PPFIBP2: variants seen among roughly 807,000 people sequenced by gnomAD.
PPFIBP2 encodes the protein PPFIB scaffold protein 2.
Under a neutral mutation model 118.3 loss-of-function variants are expected in PPFIBP2, and 118 were observed. The observed-to-expected ratio is 1.00, with a 90% CI of 0.86 to 1.16. The LOEUF is 1.16. PPFIBP2 is among the 50% of genes most tolerant of loss of function. The pLI is 0.00. For missense variants in PPFIBP2, 1,195 were observed against 1,073.1 expected, an observed-to-expected ratio of 1.11 and a Z score of -1.59; for synonymous variants, 414 against 397.4, an observed-to-expected ratio of 1.04 and a Z score of -0.50.
chr11:7,653,422 C>T lies in PPFIBP2; in HGVS notation c.*204C>T, dbSNP rs1854359217. 2.0e-6 allele frequency: 3 copies of T among 1,497,500 alleles called. No homozygotes were observed. Among genetic ancestry groups the T allele is most frequent in the Admixed American group, 2.1e-5 (1 of 48,398 alleles). 92.8% of individuals were successfully genotyped at this position (1,497,500 alleles called of 1,614,324 possible). A position where few individuals can be genotyped will look rare whatever the true frequency, so the allele number is the denominator to read the frequency against. The stretch of plus-strand genomic sequence containing the variant: ...CTCTAAGGGGCCAGGCTTTGGGGAC[C>T]ATTGCCAAAGGTGGACTCAGGAGGA... On this transcript the variant is annotated 3_prime_UTR_variant, in exon 24 of 24. Transcript: ENST00000299492.
intron 3 of PPFIBP2, among the ~76,000 whole-genome samples, chr11:7,585,019 C>G (rs7117986): frequency 0.37 from 56,435 of 152,008 alleles, 10,719 homozygotes; most frequent in Middle Eastern, 0.5. Context: ...TAAGGAAGAA[C>G]CATTTTAAGG....
At chr11:7,621,566 A>C (rs771848377) in intron 7 of PPFIBP2, among the ~76,000 whole-genome samples, 16 of 152,192 alleles carry the variant, frequency 1.1e-4, no homozygotes, top group African/African-American at 1.9e-4. Flanking sequence ...TTGTGAAATA[A>C]ATTTCTTCCC....
In PPFIBP2 at chr11:7,648,302, C is replaced by A. The variant is rs1300301605; in HGVS notation, c.1647-85C>A. 25 of 1,435,318 alleles carry A rather than the reference C, an allele frequency of 1.7e-5. No individual in the cohort carries two copies. In the Admixed American group the frequency reaches 5.3e-4, roughly 30 times the overall value. 88.9% of individuals were successfully genotyped at this position (1,435,318 alleles called of 1,614,324 possible). ...GGTTTTTTGTTTTGTTTTTTCTTTTCTTTTCTTTTGTTTGTGAGACATGAT... is the reference window on the plus strand; with the variant it reads ...GGTTTTTTGTTTTGTTTTTTCTTTTATTTTCTTTTGTTTGTGAGACATGAT... On this transcript the variant is annotated intron_variant, in intron 17 of 23. Transcript: ENST00000299492.
At chr11:7,627,551 G>A (rs1223723405) in intron 8 of PPFIBP2, among the ~76,000 whole-genome samples, 1 of 151,872 alleles carries the variant, frequency 6.6e-6, no homozygotes, top group Non-Finnish European at 1.5e-5. Context: ...TAGAGTATCT[G>A]GCAAATGACC....
rs565926329 is a variant in PPFIBP2 at position 7,629,815 on chromosome 11, A to G, written c.964+281A>G. Among the ~76,000 whole-genome samples the G allele has an allele frequency of 3.9e-5, 6 of 152,338 alleles. No homozygotes were observed. The South Asian group carries it at 1.2e-3, about 32-fold the overall frequency. On this transcript the variant is annotated intron_variant, in intron 10 of 23. Coordinates refer to ENST00000299492, the MANE Select transcript of PPFIBP2 (RefSeq NM_003621.5). ...CCCACCCTTGGAAGGTCTCTTATGC[A>G]TCTTCCCAGGACACGCCTTAGAGGC...
At chr11:7,644,765 C>T (rs984051315) in intron 17 of PPFIBP2, among the ~76,000 whole-genome samples, 3 of 152,042 alleles carry the variant, frequency 2.0e-5, no homozygotes, top group Admixed American at 6.5e-5. Context: ...CGGTGGCTCA[C>T]GCCTGTAATC....
chr11:7,624,819 A>G (rs1346800822), intron 7 of PPFIBP2, among the ~76,000 whole-genome samples: 1 of 152,244 alleles, frequency 6.6e-6, no homozygotes, highest in African/African-American at 2.4e-5. Flanking sequence ...AGTCCCATGA[A>G]GTAGGTGTAG....
intron 23 of PPFIBP2, among the ~76,000 whole-genome samples, 184 bp downstream of exon 23, chr11:7,652,028 T>C (rs1017337209): frequency 3.3e-5 from 5 of 152,184 alleles, no homozygotes; most frequent in African/African-American, 9.7e-5. Context: ...CTCCACCAGT[T>C]TGGAGTCCAA....
chr11:7,632,459 T>C (rs1055913287), intron 11 of PPFIBP2: 2 of 164,520 alleles, frequency 1.2e-5, no homozygotes, highest in Non-Finnish European at 2.7e-5. Flanking sequence ...GATTTTCTCA[T>C]TGAAAGCAAC....
chr11:7,656,916 C>G, downstream of PPFIBP2: 3 of 713,224 alleles, frequency 4.2e-6, no homozygotes, highest in Non-Finnish European at 6.4e-6. Context: ...CAGGGTGTCT[C>G]AGACAGGCTG....
chr11:7,642,489 C>T, intron 17 of PPFIBP2, 63 bp downstream of exon 17: 2 of 1,535,080 alleles, frequency 1.3e-6, no homozygotes, highest in African/African-American at 1.4e-5. Context: ...TCCCTTCAAA[C>T]CTGCATGGGT....
chr11:7,575,188 C>A (rs1264406834), intron 3 of PPFIBP2, among the ~76,000 whole-genome samples: 3 of 152,206 alleles, frequency 2.0e-5, no homozygotes, highest in African/African-American at 7.2e-5. Flanking sequence ...ATTCTTTCAT[C>A]CAAAAAATGT....
Position 7,605,752 on chromosome 11 carries a change from T to C in PPFIBP2, c.487-4539T>C, listed in dbSNP as rs867111261. 152 of 1,351,994 alleles carry C rather than the reference T, an allele frequency of 1.1e-4. 1 individual carries two copies. In the Middle Eastern group the frequency reaches 1.6e-3, roughly 15 times the overall value. 83.7% of individuals were successfully genotyped at this position (1,351,994 alleles called of 1,614,324 possible). The stretch of plus-strand genomic sequence containing the variant: ...AGTGGCCGCAGAAGAAATTAGAGGT[T>C]GAGTGAGCAAGTGGGACAGATGAAA... On this transcript the variant is annotated intron_variant, in intron 5 of 23. Transcript: ENST00000299492.
intron 3 of PPFIBP2, among the ~76,000 whole-genome samples, chr11:7,570,887 G>C (rs1855583405): frequency 6.6e-6 from 1 of 152,220 alleles, no homozygotes; most frequent in Non-Finnish European, 1.5e-5. Flanking sequence ...ATCTGGCCAA[G>C]CATTCCAATT....
intron 1 of PPFIBP2, among the ~76,000 whole-genome samples, chr11:7,534,071 A>AGGTAAGGAGAGTTTGGT (rs1239751692): frequency 2.0e-5 from 3 of 152,126 alleles, no homozygotes; most frequent in Admixed American, 6.6e-5. Flanking sequence ...GTGAGGTGAG[A>AGGTAAGGAGAGTTTGGT]GGTAAGGAGA....
At chr11:7,519,437 G>C (rs1251009803) in intron 1 of PPFIBP2, among the ~76,000 whole-genome samples, 1 of 152,192 alleles carries the variant, frequency 6.6e-6, no homozygotes, top group African/African-American at 2.4e-5. Context: ...GGCAATACTT[G>C]CTTAAATCAG....
rs149594603 is a variant in PPFIBP2 at position 7,539,705 on chromosome 11, C to G, written c.-36-9735C>G. Among the ~76,000 whole-genome samples, 14 of 152,252 alleles carry G rather than the reference C, an allele frequency of 9.2e-5. No homozygotes were observed. The East Asian group carries it at 2.7e-3, about 29-fold the overall frequency. ...GGGACCCAGTCAGAAGTAGTCACTT[C>G]CATCTGGGGGATGGATGGGAGAGGA... On this transcript the variant is annotated intron_variant, in intron 1 of 23. Coordinates refer to ENST00000299492, the MANE Select transcript of PPFIBP2 (RefSeq NM_003621.5).
chr11:7,515,512 A>C (rs772997580), intron 1 of PPFIBP2, among the ~76,000 whole-genome samples: 2 of 152,202 alleles, frequency 1.3e-5, no homozygotes, highest in African/African-American at 2.4e-5. Flanking sequence ...GGATAATTTT[A>C]AGAAAGGGTG....
chr11:7,599,231 G>A lies in PPFIBP2; in HGVS notation c.486+1558G>A, dbSNP rs117969549. ...ACAACCTACTAGATTGTGTTTTCAA[G>A]TCTGCACAAGGTGTGTTTTTGAGGT... is the stretch of plus-strand genomic sequence containing the variant. On this transcript the variant is annotated intron_variant, in intron 5 of 23. Transcript: ENST00000299492. Among the ~76,000 whole-genome samples, 856 of 152,156 alleles carry A rather than the reference G, an allele frequency of 5.6e-3. 5 individuals carry two copies. The highest frequency in any genetic ancestry group is 7.8e-3 in the Non-Finnish European group (531 of 68,016).
Sources: allele counts gnomAD v4.1 joint callset (sites outside exome capture counted in the v4.1 genomes callset), GRCh38; gene constraint gnomAD v4.1.1; transcripts MANE v1.5; gene names NCBI Gene and HGNC (gene_info 2026-07-23, HGNC 2026-07-21).